LINC00305: variants seen among roughly 807,000 people sequenced by gnomAD.
LINC00305 encodes long independently transcribed non-coding RNA 305.
intron 1 of LINC00305, among the ~76,000 whole-genome samples, chr18:64,128,361 C>CCA (rs34345777): frequency 0.12 from 17,810 of 152,108 alleles, 1,258 homozygotes; most frequent in Non-Finnish European, 0.16. Flanking sequence ...TGCCACCTGT[C>CCA]ACCTGTCACC....
At chr18:64,144,936 C>T (rs572917647) in intron 1 of LINC00305, among the ~76,000 whole-genome samples, 1 of 152,174 alleles carries the variant, frequency 6.6e-6, no homozygotes, top group South Asian at 2.1e-4. Flanking sequence ...TCGTGGAGAG[C>T]CTATAAACGG....
intron 1 of LINC00305, among the ~76,000 whole-genome samples, chr18:64,105,183 G>A (rs1041372278): frequency 2.2e-4 from 34 of 152,212 alleles, no homozygotes; most frequent in African/African-American, 7.2e-4. Flanking sequence ...TTTCTAGGCC[G>A]GGTGTGGTGT....
rs138726403 is a variant in LINC00305 at position 64,083,828 on chromosome 18, T to C, written n.541-3426A>G. On this transcript the variant is annotated intron_variant and non_coding_transcript_variant, in intron 3 of 3. Transcript: ENST00000666468. ...AAGTGACAATTATAAACCTGCTTGA[T>C]GGTAACCTTGATTTGTTAGGATTTG... Among the ~76,000 whole-genome samples the C allele has an allele frequency of 2.3e-4, 35 of 152,356 alleles. No homozygotes were observed. The East Asian group carries it at 4.4e-3, about 19-fold the overall frequency.
intron 1 of LINC00305, among the ~76,000 whole-genome samples, chr18:64,139,034 AC>A (rs1426289501): frequency 6.6e-6 from 1 of 152,144 alleles, no homozygotes; most frequent in Middle Eastern, 3.2e-3. Flanking sequence ...TCATAATAGA[AC>A]TTTTGCAGGG....
intron 1 of LINC00305, among the ~76,000 whole-genome samples, chr18:64,119,417 A>C (rs2051352087): frequency 6.6e-6 from 1 of 152,182 alleles, no homozygotes; most frequent in Non-Finnish European, 1.5e-5. Context: ...ATATTTGTTA[A>C]ATAATGTATT....
intron 1 of LINC00305, among the ~76,000 whole-genome samples, chr18:64,133,541 C>G (rs2051419333): frequency 6.6e-6 from 1 of 152,180 alleles, no homozygotes; most frequent in Admixed American, 6.5e-5. Context: ...GAGGAGGCCA[C>G]AGATAGGCTC....
intron 1 of LINC00305, among the ~76,000 whole-genome samples, chr18:64,099,839 C>CT (rs1283428755): frequency 6.6e-6 from 1 of 152,134 alleles, no homozygotes; most frequent in African/African-American, 2.4e-5. Flanking sequence ...ATGGCAAAGT[C>CT]TGCCAGTCAA....
intron 1 of LINC00305, among the ~76,000 whole-genome samples, chr18:64,122,760 T>C (rs1275270257): frequency 6.6e-6 from 1 of 152,146 alleles, no homozygotes; most frequent in African/African-American, 2.4e-5. Flanking sequence ...ATTAACTCTG[T>C]AGATTGCCTT....
intron 3 of LINC00305, chr18:64,080,456 G>T: frequency 3.1e-6 from 1 of 327,076 alleles, no homozygotes; most frequent in Non-Finnish European, 6.2e-6. Context: ...GTTTAAACTT[G>T]ATCAAATGAT....
intron 1 of LINC00305, among the ~76,000 whole-genome samples, chr18:64,132,162 T>C (rs2051412632): frequency 6.6e-6 from 1 of 152,244 alleles, no homozygotes; most frequent in Non-Finnish European, 1.5e-5. Context: ...GGAGACTGCC[T>C]TATAATTTAC....
At position 64,091,942 on chromosome 18, in the gene LINC00305, T is replaced by G. The variant is rs554123665; in HGVS notation, n.540+5892A>C. On this transcript the variant is annotated intron_variant and non_coding_transcript_variant, in intron 3 of 3. Transcript: ENST00000666468. The stretch of plus-strand genomic sequence containing the variant: ...TTTAAGTAGAGACTATCTGCCCTGA[T>G]AGTGGTATTTATTTAACTTGATCTC... Among the ~76,000 whole-genome samples the G allele has an allele frequency of 7.9e-5, 12 of 152,348 alleles. No individual in the cohort carries two copies. In the South Asian group the frequency reaches 2.1e-3, roughly 26 times the overall value.
Position 64,082,203 on chromosome 18 carries a change from C to T in LINC00305, n.541-1801G>A, listed in dbSNP as rs149871998. ...TATTGTAAAACCTAAGATTGGTGCT[C>T]GAGACTTTTTTTTCAGATCCTGCCA... On this transcript the variant is annotated intron_variant and non_coding_transcript_variant, in intron 3 of 3. Transcript: ENST00000666468. 3.7e-3 allele frequency among the ~76,000 whole-genome samples: 566 copies of T among 152,106 alleles called. 4 individuals carry two copies. Among genetic ancestry groups the T allele is most frequent in the Admixed American group, 5.1e-3 (78 of 15,282 alleles).
intron 1 of LINC00305, among the ~76,000 whole-genome samples, chr18:64,144,650 A>T (rs1454564742): frequency 3.0e-4 from 45 of 152,168 alleles, no homozygotes; most frequent in Non-Finnish European, 2.9e-5. Flanking sequence ...CTGGGATTAC[A>T]GGTGCCTGCC....
intron 1 of LINC00305, among the ~76,000 whole-genome samples, chr18:64,117,726 C>T (rs1332564936): frequency 2.0e-5 from 3 of 152,144 alleles, no homozygotes; most frequent in Non-Finnish European, 4.4e-5. Context: ...ATCACTTGGT[C>T]CAACTAGAGA....
At chr18:64,096,878 A>G (rs2051247120) in intron 3 of LINC00305, among the ~76,000 whole-genome samples, 1 of 151,980 alleles carries the variant, frequency 6.6e-6, no homozygotes, top group Non-Finnish European at 1.5e-5. Flanking sequence ...AATGAACACA[A>G]AGTTAGTTTA....
At chr18:64,097,760 T>TA (rs1474720230) in intron 3 of LINC00305, 3 of 413,562 alleles carry the variant, frequency 7.3e-6, no homozygotes, top group Admixed American at 5.6e-5. Flanking sequence ...TGAATACTAA[T>TA]AAAAAAGTAG....
chr18:64,089,790 G>A (rs987471341), intron 3 of LINC00305, among the ~76,000 whole-genome samples: 6 of 152,176 alleles, frequency 3.9e-5, no homozygotes, highest in South Asian at 2.1e-4. Flanking sequence ...TGGCAGCAAG[G>A]AAAAAGAGAG....
intron 1 of LINC00305, among the ~76,000 whole-genome samples, chr18:64,143,869 T>C (rs1443424130): frequency 1.3e-5 from 2 of 151,986 alleles, no homozygotes; most frequent in African/African-American, 4.8e-5. Context: ...CATACATACA[T>C]ATATGTATAC....
At chr18:64,096,264 G>A (rs575446902) in intron 3 of LINC00305, among the ~76,000 whole-genome samples, 237 of 151,974 alleles carry the variant, frequency 1.6e-3, no homozygotes, top group African/African-American at 5.5e-3. Context: ...ATGCATATTA[G>A]TTTTTCCCAA....
Sources: allele counts gnomAD v4.1 joint callset (sites outside exome capture counted in the v4.1 genomes callset), GRCh38; gene constraint gnomAD v4.1.1; transcripts MANE v1.5; gene names NCBI Gene and HGNC (gene_info 2026-07-23, HGNC 2026-07-21).